The following ARHGAP6 variants were observed in gnomAD, a reference collection of about 807,000 sequenced individuals.
ARHGAP6 encodes Rho GTPase activating protein 6.
A neutral mutation model predicts 55.7 loss-of-function variants in ARHGAP6; 16 were observed. The ratio of observed to expected loss-of-function variants is 0.29; its 90% CI spans 0.19 to 0.44. ARHGAP6 has a LOEUF of 0.44. ARHGAP6 is among the 20% of genes least tolerant of loss of function. The pLI, the probability that ARHGAP6 is intolerant of heterozygous loss-of-function variation, is 1.00. For synonymous variants in ARHGAP6, 382 were observed against 360.9 expected (o/e 1.06, Z -0.66); for missense variants, 698 against 808.9 (o/e 0.86, Z 1.66).
Position 11,231,891 on chromosome X carries a change from CAAT to C in ARHGAP6, c.748+22654_748+22656del, listed in dbSNP as rs1055452530. On this transcript the variant is annotated intron_variant, in intron 2 of 12. Transcript: ENST00000337414. ...CAGAGGGTTACTGTGTCACAGGAAA[CAAT>C]GATGGTGAGAAGGTTAGACATATGG... Among the ~76,000 whole-genome samples the C allele has an allele frequency of 5.4e-5, 6 of 111,980 alleles. No individual in the cohort carries two copies. In the East Asian group the frequency reaches 1.1e-3, roughly 21 times the overall value.
chrX:11,393,551 A>G (rs12007652), intron 1 of ARHGAP6, among the ~76,000 whole-genome samples: 6,271 of 111,867 alleles, frequency 0.056, 195 homozygotes, highest in African/African-American at 0.12. Context: ...ACATATCTGT[A>G]CATAACAGAA....
rs1324240853 is a variant in ARHGAP6 at position 11,361,234 on chromosome X, T to C, written c.589-106527A>G. 1.7e-4 allele frequency among the ~76,000 whole-genome samples: 18 copies of C among 108,622 alleles called. No individual in the cohort carries two copies. The East Asian group carries it at 1.7e-3, about 10-fold the overall frequency. The allele number at this position is 108,622 out of a possible 115,157, so 94.3% of individuals were successfully genotyped here. On this transcript the variant is annotated intron_variant, in intron 1 of 12. Coordinates refer to ENST00000337414, the MANE Select transcript of ARHGAP6 (RefSeq NM_013427.3). ...CAAAAGAACAAAGCTGGAGGCATCA[T>C]GCTACCTGACTTCAAACTATACTAC...
chrX:11,158,109 A>G (rs2045887603), intron 9 of ARHGAP6, among the ~76,000 whole-genome samples: 1 of 111,819 alleles, frequency 8.9e-6, no homozygotes, highest in Admixed American at 9.5e-5. Flanking sequence ...TATAATAGTT[A>G]TACCCCACGT....
intron 1 of ARHGAP6, among the ~76,000 whole-genome samples, chrX:11,412,522 G>A (rs772597686): frequency 1.8e-5 from 2 of 111,663 alleles, no homozygotes; most frequent in South Asian, 3.8e-4. Flanking sequence ...AAGATAATCC[G>A]GAATTATGTT....
chrX:11,276,620 T>C (rs2047770574), intron 1 of ARHGAP6, among the ~76,000 whole-genome samples: 2 of 111,761 alleles, frequency 1.8e-5, no homozygotes, highest in South Asian at 7.4e-4. Flanking sequence ...TGACACCAAA[T>C]GCAGGTATGA....
rs201221649 is a variant in ARHGAP6, at chrX:11,139,152, C to T, written c.2636G>A (p.Arg879Gln). 3.3e-6 allele frequency: 4 copies of T among 1,204,357 alleles called. 1 individual carries two copies. The highest frequency in any genetic ancestry group is 4.5e-6 in the Non-Finnish European group (4 of 893,174). The change falls in exon 13 of 13, where the codon CGG becomes CAG. Residue 879 changes from arginine to glutamine, a missense_variant. Physicochemically the swap from Arg to Gln is conservative, Grantham distance 43. Transcript: ENST00000337414. The part of the protein sequence containing the change: ...RPHGSGRDDK[R>Q]PPPPYPGPGK... ...TGGGCCCGGGTATGGAGGCGGGGGC[C>T]GCTTGTCATCCCTCCCACTCCCATG...
chrX:11,484,223 C>A, intron 1 of ARHGAP6, among the ~76,000 whole-genome samples: 1 of 110,497 alleles, frequency 9.1e-6, no homozygotes, highest in East Asian at 2.9e-4. Flanking sequence ...GCATCTGATG[C>A]AGCTTTGCCC....
At chrX:11,282,455 T>C (rs1169600087) in intron 1 of ARHGAP6, among the ~76,000 whole-genome samples, 2 of 112,417 alleles carry the variant, frequency 1.8e-5, no homozygotes, top group Non-Finnish European at 3.8e-5. Context: ...CAAATGTCAT[T>C]ATGTTGAGTG....
At chrX:11,254,735 A>G in intron 1 of ARHGAP6, 28 bp from the exon 2 acceptor site, 1 of 1,125,518 alleles carries the variant, frequency 8.9e-7, no homozygotes, top group African/African-American at 1.8e-5. Flanking sequence ...AAAAAAAAAA[A>G]AAATCAAGAG....
chrX:11,469,326 A>G (rs2050325688), intron 1 of ARHGAP6, among the ~76,000 whole-genome samples: 1 of 112,722 alleles, frequency 8.9e-6, no homozygotes, highest in African/African-American at 3.2e-5. Flanking sequence ...AGGCAATTCT[A>G]TTTCTAATTC....
At chrX:11,491,547 C>T (rs758070886) in intron 1 of ARHGAP6, among the ~76,000 whole-genome samples, 7 of 112,216 alleles carry the variant, frequency 6.2e-5, no homozygotes, top group Non-Finnish European at 1.3e-4. Flanking sequence ...ATGAACTCAA[C>T]ATTTTTTGTG....
chrX:11,602,366 TA>T (rs1358396189), intron 1 of ARHGAP6, among the ~76,000 whole-genome samples: 1 of 112,163 alleles, frequency 8.9e-6, no homozygotes. Context: ...ATTGGAAGAA[TA>T]TTAGCATTTT....
At chrX:11,405,166 A>G (rs1603182988) in intron 1 of ARHGAP6, among the ~76,000 whole-genome samples, 1 of 111,641 alleles carries the variant, frequency 9.0e-6, no homozygotes, top group East Asian at 2.8e-4. Context: ...TTCCACTGTC[A>G]ACAGGAAGGG....
intron 4 of ARHGAP6, among the ~76,000 whole-genome samples, chrX:11,188,445 C>T (rs2046413179): frequency 9.0e-6 from 1 of 111,730 alleles, no homozygotes; most frequent in Non-Finnish European, 1.9e-5. Flanking sequence ...TGACAGATTA[C>T]AAGAGACCAG....
At chrX:11,474,564 T>C (rs1197801260) in intron 1 of ARHGAP6, among the ~76,000 whole-genome samples, 2 of 112,201 alleles carry the variant, frequency 1.8e-5, no homozygotes, top group African/African-American at 6.5e-5. Context: ...AATAAAAATA[T>C]GCAATCAAAG....
At position 11,531,283 on chromosome X, in the gene ARHGAP6, C is replaced by T. The variant is rs980987403; in HGVS notation, c.588+132958G>A. Among the ~76,000 whole-genome samples the T allele has an allele frequency of 2.7e-5, 3 of 111,409 alleles. No homozygotes were observed. The East Asian group carries it at 8.4e-4, about 31-fold the overall frequency. On this transcript the variant is annotated intron_variant, in intron 1 of 12. Coordinates refer to ENST00000337414, the MANE Select transcript of ARHGAP6 (RefSeq NM_013427.3). ...GTTTGACTCTTAGTTTAATGCCCTT[C>T]GTATATATTGAGCTTCCAATTATGG...
chrX:11,160,214 C>T (rs904892214), intron 9 of ARHGAP6, among the ~76,000 whole-genome samples: 12 of 108,873 alleles, frequency 1.1e-4, no homozygotes, highest in African/African-American at 3.4e-4. Flanking sequence ...CTTTGGGAGG[C>T]CGAGGTGGGC....
chrX:11,398,828 C>T (rs1186323569), intron 1 of ARHGAP6, among the ~76,000 whole-genome samples: 1 of 111,609 alleles, frequency 9.0e-6, no homozygotes, highest in Admixed American at 9.5e-5. Context: ...AAACATAAAA[C>T]CAGATTAACT....
chrX:11,287,291 T>C (rs1361676900), intron 1 of ARHGAP6, among the ~76,000 whole-genome samples: 1 of 112,024 alleles, frequency 8.9e-6, no homozygotes, highest in African/African-American at 3.3e-5. Flanking sequence ...CCAGTTGTTC[T>C]TATAATGTTA....
Sources: gnomAD v4.1 joint callset for allele counts (sites outside exome capture counted in the v4.1 genomes callset) on GRCh38, gnomAD v4.1.1 for gene constraint, MANE v1.5 for transcripts, NCBI Gene and HGNC (gene_info 2026-07-23, HGNC 2026-07-21) for gene names.